Variants in ACTL8 observed in about 807,000 individuals in gnomAD.
ACTL8 encodes the protein actin-like protein 8.
Under a neutral mutation model 9.3 loss-of-function variants are expected in ACTL8, and 3 were observed. The observed-to-expected ratio is 0.32, with a 90% CI of 0.15 to 0.83. ACTL8 has a LOEUF of 0.83. ACTL8 is among the 40% of genes least tolerant of loss of function. The pLI is 0.57. For missense variants in ACTL8, 381 were observed against 492.2 expected (o/e 0.77, Z 2.14); for synonymous variants, 224 against 205.9 (o/e 1.09, Z -0.75).
At chr1:17,763,899 C>T (rs765577783) in intron 1 of ACTL8, among the ~76,000 whole-genome samples, 4 of 152,296 alleles carry the variant, frequency 2.6e-5, no homozygotes, top group South Asian at 4.1e-4. Flanking sequence ...CATGCTTTAC[C>T]GGCTGATGAC....
At chr1:17,815,971 AAATT>A (rs1301625775) in intron 1 of ACTL8, among the ~76,000 whole-genome samples, 3 of 152,230 alleles carry the variant, frequency 2.0e-5, no homozygotes, top group Admixed American at 6.5e-5. Context: ...TTTTTATTCT[AAATT>A]AAGAATTTAC....
chr1:17,808,858 C>T (rs1323404494), intron 1 of ACTL8, among the ~76,000 whole-genome samples: 2 of 152,106 alleles, frequency 1.3e-5, no homozygotes, highest in African/African-American at 4.8e-5. Flanking sequence ...GCAAACATTC[C>T]AGCGTGGCTT....
At chr1:17,791,360 G>C (rs2066238284) in intron 1 of ACTL8, among the ~76,000 whole-genome samples, 1 of 152,222 alleles carries the variant, frequency 6.6e-6, no homozygotes, top group Non-Finnish European at 1.5e-5. Context: ...TGGCTACGAA[G>C]AGGAAACTGT....
At chr1:17,806,389 T>C (rs2066360170) in intron 1 of ACTL8, among the ~76,000 whole-genome samples, 1 of 152,152 alleles carries the variant, frequency 6.6e-6, no homozygotes, top group Non-Finnish European at 1.5e-5. Context: ...TGTTTCTCCT[T>C]CTCTTTCTTC....
Position 17,784,327 on chromosome 1 carries a change from A to G in ACTL8, c.-25+28823A>G, listed in dbSNP as rs551310745. ...AGGGGGAAGTCCGCCCCCATGATCC[A>G]GTCACCTCCCACCAGGTCCCTTCTC... On this transcript the variant is annotated intron_variant, in intron 1 of 2. Transcript: ENST00000375406. Among the ~76,000 whole-genome samples the G allele has an allele frequency of 7.9e-5, 12 of 152,338 alleles. No homozygotes were observed. The South Asian group carries it at 2.5e-3, about 32-fold the overall frequency.
At chr1:17,790,427 G>T (rs551778410) in intron 1 of ACTL8, among the ~76,000 whole-genome samples, 1 of 152,326 alleles carries the variant, frequency 6.6e-6, no homozygotes, top group East Asian at 1.9e-4. Flanking sequence ...ACAAACAGAA[G>T]GTGAGCAAGA....
intron 1 of ACTL8, among the ~76,000 whole-genome samples, chr1:17,802,234 C>G (rs369257882): frequency 1.3e-5 from 2 of 152,162 alleles, no homozygotes; most frequent in Non-Finnish European, 2.9e-5. Flanking sequence ...CTCCTTCTGT[C>G]GACAGCACTA....
At chr1:17,772,444 C>A (rs1268846809) in intron 1 of ACTL8, among the ~76,000 whole-genome samples, 1 of 151,716 alleles carries the variant, frequency 6.6e-6, no homozygotes, top group African/African-American at 2.4e-5. Flanking sequence ...TCCCCCAGAC[C>A]CCAGCAGCTT....
chr1:17,816,702 C>G (rs1389958293), intron 1 of ACTL8, among the ~76,000 whole-genome samples: 6 of 152,168 alleles, frequency 3.9e-5, no homozygotes, highest in Admixed American at 1.3e-4. Context: ...GGCCTGTGCT[C>G]TACTGCCATG....
intron 1 of ACTL8, among the ~76,000 whole-genome samples, chr1:17,806,754 C>A (rs1029723716): frequency 1.1e-4 from 16 of 152,346 alleles, no homozygotes; most frequent in African/African-American, 3.8e-4. Flanking sequence ...TTCTGCAGAG[C>A]CCTGCGACCT....
chr1:17,802,056 G>A (rs1044260363), intron 1 of ACTL8, among the ~76,000 whole-genome samples: 6 of 152,208 alleles, frequency 3.9e-5, no homozygotes, highest in African/African-American at 9.7e-5. Flanking sequence ...GGAGCATGAA[G>A]AGAAACAAGA....
rs560178024 is a variant in ACTL8 at position 17,776,586 on chromosome 1, C to T, written c.-25+21082C>T. Among the ~76,000 whole-genome samples the T allele has an allele frequency of 3.3e-5, 5 of 152,290 alleles. No homozygotes were observed. The South Asian group carries it at 6.2e-4, about 19-fold the overall frequency. On this transcript the variant is annotated intron_variant, in intron 1 of 2. Transcript: ENST00000375406. ...GTCTGCTTCCGTTCCACTCTGCCGT[C>T]GTCCCTTCTTCCTGCCATATGTTCC...
At chr1:17,801,403 C>T (rs1366806213) in intron 1 of ACTL8, among the ~76,000 whole-genome samples, 5 of 152,104 alleles carry the variant, frequency 3.3e-5, no homozygotes, top group African/African-American at 4.8e-5. Flanking sequence ...GAGAAATATA[C>T]GTTGATAAAG....
At chr1:17,806,046 C>T (rs2066358077) in intron 1 of ACTL8, among the ~76,000 whole-genome samples, 1 of 152,234 alleles carries the variant, frequency 6.6e-6, no homozygotes, top group East Asian at 1.9e-4. Flanking sequence ...CATCATCTTC[C>T]TGCTTCCTCC....
At chr1:17,783,979 G>A (rs1169571686) in intron 1 of ACTL8, among the ~76,000 whole-genome samples, 2 of 152,196 alleles carry the variant, frequency 1.3e-5, no homozygotes, top group African/African-American at 2.4e-5. Flanking sequence ...AGACTTGGCC[G>A]AGCTGCTTAA....
chr1:17,761,866 C>G (rs1357326000), intron 1 of ACTL8, among the ~76,000 whole-genome samples: 1 of 152,168 alleles, frequency 6.6e-6, no homozygotes, highest in Non-Finnish European at 1.5e-5. Context: ...CTGCCGCGCC[C>G]GGCCCTGTTC....
chr1:17,771,632 A>T (rs1323240246), intron 1 of ACTL8, among the ~76,000 whole-genome samples: 1 of 152,132 alleles, frequency 6.6e-6, no homozygotes, highest in East Asian at 1.9e-4. Flanking sequence ...TCCAGGCCCG[A>T]TTGGCAGAAT....
At chr1:17,824,057 G>A (rs2053688064) in intron 2 of ACTL8, among the ~76,000 whole-genome samples, 1 of 152,194 alleles carries the variant, frequency 6.6e-6, no homozygotes, top group Non-Finnish European at 1.5e-5. Flanking sequence ...TTGGGGGTGG[G>A]GAACCTGTTT....
At position 17,826,485 on chromosome 1, in the gene ACTL8, C is replaced by T. The variant is rs1570053571; in HGVS notation, c.1067C>T (p.Ser356Phe). 6.2e-7 allele frequency: 1 copy of T among 1,601,756 alleles called. No individual in the cohort carries two copies. Among genetic ancestry groups the T allele is most frequent in the Non-Finnish European group, 8.5e-7 (1 of 1,172,670 alleles). Reference protein sequence around the residue: ...HLSTYQSEWMSREEYGEHMRM With the variant: ...HLSTYQSEWMFREEYGEHMRM ...TCTACCTACCAGTCTGAGTGGATGTCCCGAGAGGAGTATGGTGAGCATATG... is the reference window on the plus strand; with the variant it reads ...TCTACCTACCAGTCTGAGTGGATGTTCCGAGAGGAGTATGGTGAGCATATG... The change falls in exon 3 of 3, where the codon TCC becomes TTC. Residue 356 changes from serine to phenylalanine, a missense_variant. Coordinates refer to ENST00000375406, the MANE Select transcript of ACTL8 (RefSeq NM_030812.3). The surrounding 1 kb of genome is among the most constrained non-coding windows in gnomAD (Gnocchi z 4.5).
Sources: gnomAD v4.1 joint callset for allele counts (sites outside exome capture counted in the v4.1 genomes callset) on GRCh38, gnomAD v4.1.1 for gene constraint, Gnocchi (gnomAD v3.1) non-coding constraint, MANE v1.5 for transcripts, NCBI Gene and HGNC (gene_info 2026-07-23, HGNC 2026-07-21) for gene names.